The following PDXDC1 variants were observed in gnomAD, a reference collection of about 807,000 sequenced individuals.
PDXDC1 encodes the protein pyridoxal-dependent decarboxylase domain-containing protein 1.
Under a neutral mutation model 100.1 loss-of-function variants are expected in PDXDC1, and 42 were observed. That is an observed-to-expected ratio of 0.42 (90% CI 0.33 to 0.54). The LOEUF (loss-of-function observed/expected upper bound fraction) is 0.54. PDXDC1 is among the 20% of genes least tolerant of loss of function. The pLI, the probability that PDXDC1 is intolerant of heterozygous loss-of-function variation, is 0.10. For synonymous variants in PDXDC1, 260 were observed against 371.7 expected, an observed-to-expected ratio of 0.70 and a Z score of 3.46; for missense variants, 636 against 979.2, an observed-to-expected ratio of 0.65 and a Z score of 4.68.
intron 16 of PDXDC1, among the ~76,000 whole-genome samples, chr16:15,090,118 G>A (rs2046073921): frequency 6.6e-6 from 1 of 151,964 alleles, no homozygotes; most frequent in South Asian, 2.1e-4. Context: ...GCTGAGGCAG[G>A]AGAATTGCTT....
At chr16:15,125,365 T>TCA in intron 16 of PDXDC1, 2 of 720,968 alleles carry the variant, frequency 2.8e-6, no homozygotes, top group African/African-American at 1.8e-5. Flanking sequence ...AGGGGATGTG[T>TCA]CACACACACA....
rs753733344 is a variant in PDXDC1, at chr16:15,017,474, G to A, written c.963+52G>A. On this transcript the variant is annotated intron_variant, in intron 11 of 22. Transcript: ENST00000396410. ...GTGGGTGTGGCTAATACACATTATT[G>A]GCTTTGGGGGCAAAATCCAGAAAAA... 35 of 1,444,682 alleles carry A rather than the reference G, an allele frequency of 2.4e-5. No homozygotes were observed. The East Asian group carries it at 8.0e-4, about 33-fold the overall frequency. 89.5% of individuals were successfully genotyped at this position (1,444,682 alleles called of 1,614,324 possible). A position where few individuals can be genotyped will look rare whatever the true frequency, so the allele number is the denominator to read the frequency against.
intron 13 of PDXDC1, among the ~76,000 whole-genome samples, chr16:15,023,309 G>A (rs2042342028): frequency 6.6e-6 from 1 of 152,284 alleles, no homozygotes; most frequent in Admixed American, 6.5e-5. Flanking sequence ...GATCAGTTCA[G>A]GTTTGAAAGT....
At chr16:15,007,934 CTA>C (rs1333823573) in intron 6 of PDXDC1, among the ~76,000 whole-genome samples, 2 of 152,278 alleles carry the variant, frequency 1.3e-5, no homozygotes, top group Non-Finnish European at 2.9e-5. Flanking sequence ...TCCTTTATAC[CTA>C]TGTTTTTGTA....
At chr16:15,066,207 CTGGAGGGTGGTTT>C (rs1459316483) in intron 16 of PDXDC1, among the ~76,000 whole-genome samples, 1 of 152,172 alleles carries the variant, frequency 6.6e-6, no homozygotes, top group African/African-American at 2.4e-5. Flanking sequence ...CAAAACCACA[CTGGAGGGTGGTTT>C]GCACTATCAG....
rs375668941 is a variant in PDXDC1, at chr16:14,988,633, C to T, written c.22-9120C>T. On this transcript the variant is annotated intron_variant, in intron 1 of 22. Coordinates refer to ENST00000396410, the MANE Select transcript of PDXDC1 (RefSeq NM_015027.4). The stretch of plus-strand genomic sequence containing the variant: ...TTGACAGGCTGGCCACGGGACTCCA[C>T]GGACTCGTGTAGGTAGGGCTTGCCC... 4.7e-5 allele frequency: 76 copies of T among 1,613,886 alleles called. No homozygotes were observed. In the East Asian group the frequency reaches 9.1e-4, roughly 19 times the overall value.
chr16:15,093,293 C>T (rs189175873), intron 16 of PDXDC1, among the ~76,000 whole-genome samples: 265 of 152,284 alleles, frequency 1.7e-3, no homozygotes, highest in Admixed American at 3.2e-3. Flanking sequence ...CGTGAGCAAC[C>T]GCGCCCGGCC....
intron 1 of PDXDC1, among the ~76,000 whole-genome samples, chr16:14,991,267 ATGTGTGTGTGTGTG>A (rs10642182): frequency 0.18 from 27,667 of 149,870 alleles, 1,545 homozygotes; most frequent in East Asian, 0.37. Flanking sequence ...GTATATAGAT[ATGTGTGTGTGTGTG>A]TGTGTGTGTG....
At chr16:14,979,393 G>A (rs758209522) in intron 1 of PDXDC1, among the ~76,000 whole-genome samples, 105 of 152,220 alleles carry the variant, frequency 6.9e-4, no homozygotes, top group Non-Finnish European at 1.2e-3. Flanking sequence ...GGGTTCAAGC[G>A]ATTCTCCTGC....
At chr16:15,007,714 G>T (rs1466612255) in intron 6 of PDXDC1, among the ~76,000 whole-genome samples, 4 of 152,280 alleles carry the variant, frequency 2.6e-5, no homozygotes, top group Non-Finnish European at 5.9e-5. Flanking sequence ...TTCTTGAGGG[G>T]TGTACAAAAT....
chr16:15,063,185 C>A (rs2044789293), intron 16 of PDXDC1: 1 of 1,571,664 alleles, frequency 6.4e-7, no homozygotes, highest in Admixed American at 1.7e-5. Flanking sequence ...CTCAATCAAT[C>A]ACAAACTGAC....
intron 16 of PDXDC1, among the ~76,000 whole-genome samples, chr16:15,072,757 G>A (rs1343094136): frequency 2.6e-5 from 4 of 152,176 alleles, no homozygotes; most frequent in Non-Finnish European, 5.9e-5. Flanking sequence ...AGCAGAGCGA[G>A]ACTGTGTCTC....
chr16:15,086,129 G>T, intron 16 of PDXDC1: 2 of 1,605,202 alleles, frequency 1.2e-6, no homozygotes, highest in Non-Finnish European at 1.7e-6. Flanking sequence ...AATGACTTAC[G>T]AGGCACAAAA....
intron 16 of PDXDC1, among the ~76,000 whole-genome samples, chr16:15,132,417 G>A (rs1245255737): frequency 9.3e-6 from 1 of 107,978 alleles, no homozygotes; most frequent in Non-Finnish European, 2.0e-5. Flanking sequence ...GCAGGGGAGG[G>A]GCTAGGGGAG....
rs139537698 is a variant in PDXDC1, at chr16:15,136,002, G to C, written c.1400-2877G>C. 3 of 1,545,916 alleles carry C rather than the reference G, an allele frequency of 1.9e-6. No homozygotes were observed. The Admixed American group carries it at 5.3e-5, about 28-fold the overall frequency. On this transcript the variant is annotated intron_variant, in intron 16 of 16. Coordinates refer to the PDXDC1 transcript ENST00000535621. The stretch of plus-strand genomic sequence containing the variant: ...TGGGCCCGAGCCAGATGCAGTGCTC[G>C]GCTGTGGCTGGGTGTGGCTCCCCGG...
chr16:15,040,315 A>C, downstream of PDXDC1: 5 of 393,732 alleles, frequency 1.3e-5, no homozygotes, highest in Non-Finnish European at 1.3e-5. Context: ...TGCTTTCCAC[A>C]TGGGAGGCAG....
chr16:15,104,305 T>G, intron 16 of PDXDC1: 2 of 1,502,654 alleles, frequency 1.3e-6, no homozygotes, highest in Non-Finnish European at 8.9e-7. Context: ...ACATAAGGAC[T>G]GCAGTATTCA....
intron 16 of PDXDC1, chr16:15,133,972 G>A: frequency 4.5e-6 from 6 of 1,320,382 alleles, no homozygotes; most frequent in Non-Finnish European, 6.3e-6. Context: ...CCGTCCCGCA[G>A]CACGCCCCGC....
chr16:15,032,136 G>A (rs1240788030), intron 17 of PDXDC1: 3 of 558,872 alleles, frequency 5.4e-6, no homozygotes, highest in East Asian at 5.6e-5. Flanking sequence ...TGTAGGTGCC[G>A]ACTCTCAGCT....
Sources: gnomAD v4.1 joint callset for allele counts (sites outside exome capture counted in the v4.1 genomes callset) on GRCh38, gnomAD v4.1.1 for gene constraint, MANE v1.5 for transcripts, NCBI Gene and HGNC (gene_info 2026-07-23, HGNC 2026-07-21) for gene names.